REPS2: variants seen among roughly 807,000 people sequenced by gnomAD.
REPS2 encodes RALBP1 associated Eps domain containing 2, also known as ralBP1-associated Eps domain-containing protein 2.
Under a neutral mutation model 53.6 loss-of-function variants are expected in REPS2, and 23 were observed. That is an observed-to-expected ratio of 0.43 (90% CI 0.31 to 0.61). The LOEUF (loss-of-function observed/expected upper bound fraction) is 0.61, where lower values mean the gene tolerates loss of function less well. REPS2 is among the 20% of genes least tolerant of loss of function. The pLI is 0.11. For missense variants in REPS2, 446 were observed against 534.9 expected, an observed-to-expected ratio of 0.83 and a Z score of 1.64; for synonymous variants, 238 against 218.6, an observed-to-expected ratio of 1.09 and a Z score of -0.78.
the REPS2 span, among the ~76,000 whole-genome samples, chrX:17,177,221 T>C: frequency 8.9e-6 from 1 of 112,305 alleles, no homozygotes; most frequent in African/African-American, 3.2e-5. Flanking sequence ...AAGGGCCCAG[T>C]TGATGTCAAA....
intron 1 of REPS2, among the ~76,000 whole-genome samples, chrX:16,974,121 T>C (rs886385128): frequency 8.9e-6 from 1 of 111,805 alleles, no homozygotes; most frequent in African/African-American, 3.2e-5. Context: ...TTAATATCAG[T>C]ACTTTAGTAT....
At position 17,025,257 on chromosome X, in the gene REPS2, G is replaced by A. The variant is rs770417566; in HGVS notation, c.673+72G>A. The stretch of plus-strand genomic sequence containing the variant: ...ACTCCTTAATTTACCAGGCGGTAAC[G>A]CTTCAAGCTGCTTAATTTCCTGATT... On this transcript the variant is annotated intron_variant, in intron 4 of 17. Transcript: ENST00000357277. The A allele has an allele frequency of 2.6e-5, 25 of 978,981 alleles. No individual in the cohort carries two copies. The South Asian group carries it at 6.9e-4, about 27-fold the overall frequency. 80.7% of individuals were successfully genotyped at this position (978,981 alleles called of 1,213,427 possible).
chrX:16,987,897 T>G (rs1269153183), intron 1 of REPS2, among the ~76,000 whole-genome samples: 1 of 112,047 alleles, frequency 8.9e-6, no homozygotes, highest in Admixed American at 9.5e-5. Context: ...CAAGGATGTC[T>G]ATTCTCATCA....
At chrX:17,102,587 TAGAG>T (rs1315257181) in intron 13 of REPS2, among the ~76,000 whole-genome samples, 1 of 112,001 alleles carries the variant, frequency 8.9e-6, no homozygotes, top group Non-Finnish European at 1.9e-5. Flanking sequence ...GAAAGACAGA[TAGAG>T]AGAAATCATA....
At chrX:17,092,031 T>C in intron 13 of REPS2, among the ~76,000 whole-genome samples, 1 of 111,776 alleles carries the variant, frequency 8.9e-6, no homozygotes, top group East Asian at 2.8e-4. Flanking sequence ...ATGCTTTTAT[T>C]TTCTTCACAT....
At chrX:17,068,196 C>T (rs1569158469) in intron 9 of REPS2, among the ~76,000 whole-genome samples, 1 of 110,114 alleles carries the variant, frequency 9.1e-6, no homozygotes, top group Non-Finnish European at 1.9e-5. Context: ...TGCCTGTAGT[C>T]CCAGCTACTC....
chrX:17,025,279 G>T, intron 4 of REPS2, 94 bp downstream of exon 4: 2 of 885,265 alleles, frequency 2.3e-6, no homozygotes, highest in Non-Finnish European at 3.0e-6. Context: ...TTAATTTCCT[G>T]ATTTAATTAC....
intron 1 of REPS2, among the ~76,000 whole-genome samples, chrX:16,996,871 A>G (rs889536553): frequency 1.8e-5 from 2 of 112,449 alleles, no homozygotes; most frequent in African/African-American, 6.5e-5. Context: ...AAATGTGTAT[A>G]TGTGTATGTG....
At chrX:17,100,267 C>G (rs1197931238) in intron 13 of REPS2, 1 of 566,033 alleles carries the variant, frequency 1.8e-6, no homozygotes. Flanking sequence ...ATTCCTGTTC[C>G]TCCTCTTCTA....
chrX:17,054,886 G>A lies in REPS2; in HGVS notation c.1050G>A (p.Arg350=), dbSNP rs774880175. Residue 350 remains arginine (R), a synonymous_variant, in exon 8 of 18, where the codon CGG becomes CGA. Coordinates refer to ENST00000357277, the MANE Select transcript of REPS2 (RefSeq NM_004726.3). ...CTGCGTTTCATCTCATTGTGGCTCGGAAGAACGGCTACCCATTGCCTGAGG... is the reference window on the plus strand; with the variant it reads ...CTGCGTTTCATCTCATTGTGGCTCGAAAGAACGGCTACCCATTGCCTGAGG... The part of the protein sequence containing the change: ...FCAAFHLIVA[R]KNGYPLPEGL... 1.7e-6 allele frequency: 2 copies of A among 1,211,713 alleles called. No individual in the cohort carries two copies. Among genetic ancestry groups the A allele is most frequent in the East Asian group, 3.0e-5 (1 of 33,850 alleles).
At chrX:17,180,624 T>A in the REPS2 span, among the ~76,000 whole-genome samples, 30 of 105,103 alleles carry the variant, frequency 2.9e-4, no homozygotes, top group South Asian at 4.1e-4. Context: ...TCTCTCTCTC[T>A]CACACACACA....
At chrX:17,099,246 C>A (rs2062750513) in intron 13 of REPS2, among the ~76,000 whole-genome samples, 1 of 111,146 alleles carries the variant, frequency 9.0e-6, no homozygotes, top group South Asian at 3.8e-4. Flanking sequence ...GTTTTCTGTT[C>A]TTTGCATTGC....
chrX:17,102,084 T>TA (rs1184167414), intron 13 of REPS2, among the ~76,000 whole-genome samples: 1 of 27,639 alleles, frequency 3.6e-5, no homozygotes, highest in Non-Finnish European at 8.2e-5. Flanking sequence ...TTATGTTATT[T>TA]TATTTTATTT....
intron 5 of REPS2, among the ~76,000 whole-genome samples, chrX:17,033,302 C>T (rs959689887): frequency 9.0e-6 from 1 of 111,419 alleles, no homozygotes; most frequent in African/African-American, 3.3e-5. Context: ...TCATTTGTTT[C>T]AATCCTCCTT....
intron 2 of REPS2, among the ~76,000 whole-genome samples, chrX:17,014,075 T>C (rs2061460644): frequency 9.0e-6 from 1 of 111,623 alleles, no homozygotes; most frequent in Admixed American, 9.5e-5. Context: ...AGCAGGAAAA[T>C]ACACATTGAC....
At chrX:17,108,970 A>T (rs1407369775) in intron 14 of REPS2, among the ~76,000 whole-genome samples, 23 of 96,557 alleles carry the variant, frequency 2.4e-4, no homozygotes, top group South Asian at 9.3e-4. Flanking sequence ...CTGCAGATTT[A>T]AAAAAAAAAA....
chrX:17,016,086 T>G (rs2061489181), intron 2 of REPS2, among the ~76,000 whole-genome samples: 1 of 112,074 alleles, frequency 8.9e-6, no homozygotes, highest in Admixed American at 9.4e-5. Flanking sequence ...GTTTCCTGAC[T>G]TTTTGATGAT....
At chrX:17,185,330 G>A in the REPS2 span, among the ~76,000 whole-genome samples, 7 of 111,424 alleles carry the variant, frequency 6.3e-5, no homozygotes, top group Non-Finnish European at 9.4e-5. Flanking sequence ...TGTTACTTCC[G>A]TTGCATTGGA....
At chrX:17,010,892 A>G in intron 2 of REPS2, among the ~76,000 whole-genome samples, 1 of 111,887 alleles carries the variant, frequency 8.9e-6, no homozygotes, top group South Asian at 3.7e-4. Context: ...TAAATATAAA[A>G]TAAAAAAATA....
Sources: allele counts gnomAD v4.1 joint callset (sites outside exome capture counted in the v4.1 genomes callset), GRCh38; gene constraint gnomAD v4.1.1; transcripts MANE v1.5; gene names NCBI Gene and HGNC (gene_info 2026-07-23, HGNC 2026-07-21).